The following DCC variants were observed in gnomAD, a reference collection of about 807,000 sequenced individuals.
DCC encodes netrin receptor DCC.
In DCC, 58 loss-of-function variants were observed where a neutral mutation model predicts 172.5. The observed-to-expected ratio is 0.34, with a 90% confidence interval of 0.27 to 0.42. The LOEUF is 0.42. Among genes scored for constraint, DCC ranks in the 10% least tolerant of loss-of-function variants. The pLI is 1.00. For synonymous variants in DCC, 709 were observed against 644.5 expected (o/e 1.10, Z -1.52); for missense variants, 1,740 against 1,791.0 (o/e 0.97, Z 0.51).
At chr18:53,125,024 C>T (rs1568318825) in intron 7 of DCC, among the ~76,000 whole-genome samples, 1 of 151,698 alleles carries the variant, frequency 6.6e-6, no homozygotes, top group African/African-American at 2.4e-5. Flanking sequence ...AATATTTCCC[C>T]AAACATAAAA....
chr18:52,387,536 A>G (rs1331579502), intron 1 of DCC, among the ~76,000 whole-genome samples: 1 of 151,956 alleles, frequency 6.6e-6, no homozygotes, highest in Non-Finnish European at 1.5e-5. Context: ...GATCTTTCCA[A>G]TGCAAGGGAG....
intron 1 of DCC, among the ~76,000 whole-genome samples, chr18:52,646,622 C>T (rs562726774): frequency 2.0e-5 from 3 of 152,212 alleles, no homozygotes; most frequent in African/African-American, 7.2e-5. Context: ...GAAAGATTTA[C>T]TTATGTTTGC....
At chr18:53,258,269 G>T (rs191245963) in intron 12 of DCC, among the ~76,000 whole-genome samples, 203 of 151,870 alleles carry the variant, frequency 1.3e-3, no homozygotes, top group African/African-American at 4.7e-3. Flanking sequence ...GAATGTGTTT[G>T]CTCTTGCTTT....
chr18:53,391,179 C>G (rs972488967), intron 16 of DCC, among the ~76,000 whole-genome samples: 12 of 151,752 alleles, frequency 7.9e-5, no homozygotes, highest in Non-Finnish European at 1.8e-4. Flanking sequence ...ACAGAGAAAC[C>G]CTATTAAGTT....
In DCC at chr18:52,895,452, G is replaced by A. The variant is rs114162865; in HGVS notation, c.413-10592G>A. On this transcript the variant is annotated intron_variant, in intron 2 of 28. Transcript: ENST00000442544. The stretch of plus-strand genomic sequence containing the variant: ...CATGAAATCAATATGCTCGTGAAGA[G>A]TTGCTTGCAAATTTCACTGAATATA... 2.1e-3 allele frequency among the ~76,000 whole-genome samples: 315 copies of A among 152,236 alleles called. 1 individual carries two copies. The highest frequency in any genetic ancestry group is 7.2e-3 in the African/African-American group (299 of 41,540).
intron 5 of DCC, among the ~76,000 whole-genome samples, chr18:52,926,318 A>G (rs1052504945): frequency 4.6e-5 from 7 of 151,894 alleles, no homozygotes; most frequent in Non-Finnish European, 8.8e-5. Context: ...TCATCTGTGG[A>G]CATGGTAATA....
intron 1 of DCC, among the ~76,000 whole-genome samples, chr18:52,526,514 G>T (rs546555470): frequency 6.6e-6 from 1 of 152,032 alleles, no homozygotes; most frequent in South Asian, 2.1e-4. Context: ...CACTGATCTA[G>T]AATGCAGAAA....
chr18:52,815,749 GTAA>G (rs111462888), intron 2 of DCC, among the ~76,000 whole-genome samples: 19 of 152,100 alleles, frequency 1.2e-4, no homozygotes, highest in Non-Finnish European at 1.6e-4. Context: ...TAAATCATAA[GTAA>G]TAATGATTTA....
At chr18:52,726,590 G>A (rs775211711) in intron 1 of DCC, among the ~76,000 whole-genome samples, 13 of 152,124 alleles carry the variant, frequency 8.5e-5, no homozygotes, top group Non-Finnish European at 1.6e-4. Context: ...CAGAAACAAT[G>A]TTTTAATTTT....
At chr18:52,881,719 T>G (rs1284388649) in intron 2 of DCC, among the ~76,000 whole-genome samples, 3 of 152,208 alleles carry the variant, frequency 2.0e-5, no homozygotes, top group African/African-American at 7.2e-5. Context: ...GTAGTATAAT[T>G]TGAAGTCAGG....
intron 1 of DCC, among the ~76,000 whole-genome samples, chr18:52,697,067 G>A (rs1021464777): frequency 7.9e-5 from 12 of 152,198 alleles, no homozygotes; most frequent in Non-Finnish European, 1.6e-4. Context: ...AGTCCAAGGA[G>A]TATGGATTGT....
chr18:53,521,921 G>T (rs2144596736), intron 27 of DCC, among the ~76,000 whole-genome samples: 1 of 152,164 alleles, frequency 6.6e-6, no homozygotes, highest in East Asian at 1.9e-4. Flanking sequence ...CATAGGAATG[G>T]ATAAGAGCTA....
In DCC at chr18:53,460,290, T is replaced by G. The variant is rs866412136; in HGVS notation, c.3619+832T>G. Reference sequence around the variant, plus strand: ...GGAGCTCCTGTTTTTTTTTTTTTTTTTTTTTTTTTTTTTAAGTTTTAGGGT... The same window carrying G: ...GGAGCTCCTGTTTTTTTTTTTTTTTGTTTTTTTTTTTTTAAGTTTTAGGGT... On this transcript the variant is annotated intron_variant, in intron 24 of 28. Transcript: ENST00000442544. Among the ~76,000 whole-genome samples the G allele has an allele frequency of 1.6e-4, 22 of 141,774 alleles. 1 individual carries two copies. The highest frequency in any genetic ancestry group is 2.3e-4 in the Non-Finnish European group (15 of 64,022). 93.0% of individuals were successfully genotyped at this position (141,774 alleles called of 152,430 possible).
Position 53,526,651 on chromosome 18 carries a change from C to T in DCC, c.4146C>T (p.Ala1382=). The T allele has an allele frequency of 6.2e-7, 1 of 1,613,546 alleles. No individual in the cohort carries two copies. Among genetic ancestry groups the T allele is most frequent in the Non-Finnish European group, 8.5e-7 (1 of 1,179,660 alleles). The change falls in exon 28 of 29, where the codon GCC becomes GCT. Residue 1382 remains alanine, a synonymous_variant. Transcript: ENST00000442544. ...TTCCTAAGACCCATGTGAAAACAGC[C>T]TCCCTTGGGTTGGCTGGAAAAGCAA... ...PTLPKTHVKT[A]SLGLAGKARS...
At chr18:53,303,986 T>A (rs2057170583) in intron 12 of DCC, among the ~76,000 whole-genome samples, 1 of 151,798 alleles carries the variant, frequency 6.6e-6, no homozygotes, top group African/African-American at 2.4e-5. Context: ...TCCCCTGGAG[T>A]TTGGTGGTCC....
chr18:53,532,079 A>G lies in DCC; in HGVS notation c.*1426A>G, dbSNP rs1422005342. ...GCAGCTGAATCGCCAAAAGGGAGCT[A>G]GTTTGCATATTTATCAGTTAGGTGA... is the stretch of plus-strand genomic sequence containing the variant. On this transcript the variant is annotated 3_prime_UTR_variant, in exon 29 of 29. Coordinates refer to ENST00000442544, the MANE Select transcript of DCC (RefSeq NM_005215.4). 1.3e-5 allele frequency: 2 copies of G among 152,170 alleles called. No individual in the cohort carries two copies. Among genetic ancestry groups the G allele is most frequent in the Admixed American group, 6.5e-5 (1 of 15,282 alleles). 9.4% of individuals were successfully genotyped at this position (152,170 alleles called of 1,614,324 possible). A position where few individuals can be genotyped will look rare whatever the true frequency, so the allele number is the denominator to read the frequency against.
At chr18:53,308,754 T>C (rs566827263) in intron 13 of DCC, among the ~76,000 whole-genome samples, 1 of 152,318 alleles carries the variant, frequency 6.6e-6, no homozygotes, top group African/African-American at 2.4e-5. Context: ...CGGCAACTAT[T>C]AGCTTTCTCA....
At chr18:53,277,431 T>A (rs553367956) in intron 12 of DCC, among the ~76,000 whole-genome samples, 8 of 152,172 alleles carry the variant, frequency 5.3e-5, no homozygotes, top group Non-Finnish European at 1.2e-4. Flanking sequence ...ACCTGAGGAT[T>A]CCTCCAGCAC....
Position 53,157,458 on chromosome 18 carries a change from C to T in DCC, c.1364C>T (p.Ala455Val), listed in dbSNP as rs145985306. 1.8e-4 allele frequency: 295 copies of T among 1,613,952 alleles called. No homozygotes were observed. The African/African-American group carries it at 3.0e-3, about 17-fold the overall frequency. ...CTCAGCTGGCGCCCACCTGCAGAAG[C>T]GAAAGGGAACATTCAAACTTTCACG... Reference protein sequence around the residue: ...VRLSWRPPAEAKGNIQTFTVF... With the variant: ...VRLSWRPPAEVKGNIQTFTVF... Residue 455 changes from alanine to valine, a missense_variant, in exon 8 of 29, where the codon GCG becomes GTG. Ala to Val is a moderately conservative substitution (Grantham distance 64). Around this residue, in one of 2 missense-constraint regions of DCC, gnomAD observed 1,732 missense variants for 1,767.4 expected, o/e 0.98. Coordinates refer to ENST00000442544, the MANE Select transcript of DCC (RefSeq NM_005215.4).
Sources: gnomAD v4.1 joint callset for allele counts (sites outside exome capture counted in the v4.1 genomes callset) on GRCh38, gnomAD v4.1.1 for gene constraint, gnomAD v4.1.1 regional missense constraint, MANE v1.5 for transcripts, NCBI Gene and HGNC (gene_info 2026-07-23, HGNC 2026-07-21) for gene names.